KCNK9: variants seen among roughly 807,000 people sequenced by gnomAD.
KCNK9 encodes the protein potassium channel subfamily K member 9.
KCNK9 carries 1 observed loss-of-function variant against 10.8 expected under a neutral mutation model. That is an observed-to-expected ratio of 0.09 (90% confidence interval 0.03 to 0.44). KCNK9 has a LOEUF of 0.44. KCNK9 is among the 20% of genes least tolerant of loss of function. The pLI is 0.97. For synonymous variants in KCNK9, 231 were observed against 222.7 expected, an observed-to-expected ratio of 1.04 and a Z score of -0.33; for missense variants, 303 against 515.0, an observed-to-expected ratio of 0.59 and a Z score of 3.98.
chr8:139,604,522 G>A (rs931067461), intron 2 of KCNK9, among the ~76,000 whole-genome samples: 1 of 152,204 alleles, frequency 6.6e-6, no homozygotes, highest in African/African-American at 2.4e-5. Context: ...CACGCAGATA[G>A]GAGCAAAGCT....
At chr8:139,605,298 C>G (rs1192798422) in intron 2 of KCNK9, among the ~76,000 whole-genome samples, 1 of 152,234 alleles carries the variant, frequency 6.6e-6, no homozygotes. Context: ...GTTTGGTTTG[C>G]TTTGGTTTCA....
chr8:139,626,843 G>A (rs1025771265), intron 1 of KCNK9, among the ~76,000 whole-genome samples: 2 of 152,256 alleles, frequency 1.3e-5, no homozygotes, highest in Non-Finnish European at 2.9e-5. Flanking sequence ...GACTCAGGGT[G>A]GCTTGGAGGA....
At chr8:139,643,408 C>T (rs1220024671) in intron 1 of KCNK9, among the ~76,000 whole-genome samples, 5 of 152,236 alleles carry the variant, frequency 3.3e-5, no homozygotes, top group Non-Finnish European at 5.9e-5. Flanking sequence ...CCTCTCCCTT[C>T]AGGACTCAGC....
intron 2 of KCNK9, among the ~76,000 whole-genome samples, chr8:139,604,214 T>C (rs1405591817): frequency 2.6e-5 from 4 of 152,354 alleles, no homozygotes; most frequent in Middle Eastern, 6.8e-3. Context: ...TCTGCAGATA[T>C]GGCTCTAGGG....
chr8:139,605,599 T>A lies in KCNK9; in HGVS notation c.*1-3998A>T, dbSNP rs376105449. On this transcript the variant is annotated intron_variant, in intron 2 of 2. Transcript: ENST00000650269. ...GCATCAAAGCAGGTCTTGTCCAACC[T>A]TTCTCAGTGAAGAAAGACCAAGATA... Among the ~76,000 whole-genome samples, 11 of 152,192 alleles carry A rather than the reference T, an allele frequency of 7.2e-5. 2 individuals are homozygous for A. In the East Asian group the frequency reaches 7.7e-4, roughly 11 times the overall value.
chr8:139,684,416 T>C lies in KCNK9; in HGVS notation c.283+18294A>G, dbSNP rs534384309. Among the ~76,000 whole-genome samples, 160 of 152,356 alleles carry C rather than the reference T, an allele frequency of 1.1e-3. 1 individual carries two copies. Among genetic ancestry groups the C allele is most frequent in the African/African-American group, 3.8e-3 (159 of 41,590 alleles). Reference sequence around the variant, plus strand: ...TCAGTATACACCCATATTTTGTGACTAACTTTATACCTTATTTTTATGTCT... The same window carrying C: ...TCAGTATACACCCATATTTTGTGACCAACTTTATACCTTATTTTTATGTCT... On this transcript the variant is annotated intron_variant, in intron 1 of 1. Transcript: ENST00000520439.
intron 1 of KCNK9, among the ~76,000 whole-genome samples, chr8:139,695,461 A>G (rs1817026747): frequency 6.6e-6 from 1 of 152,236 alleles, no homozygotes; most frequent in Non-Finnish European, 1.5e-5. Context: ...GAGGGAGGCC[A>G]AGCTCCACTC....
chr8:139,696,612 G>A (rs1281487972), intron 1 of KCNK9, among the ~76,000 whole-genome samples: 2 of 152,134 alleles, frequency 1.3e-5, no homozygotes, highest in Non-Finnish European at 2.9e-5. Flanking sequence ...AGTGAGTTGA[G>A]GACCCACTGA....
At chr8:139,619,123 C>G (rs1278551721) in intron 1 of KCNK9, 24 bp from the exon 2 acceptor site, 3 of 1,612,854 alleles carry the variant, frequency 1.9e-6, no homozygotes, top group East Asian at 2.2e-5. Context: ...ATGAGAAGAA[C>G]AGAGAGAGCA....
intron 1 of KCNK9, among the ~76,000 whole-genome samples, chr8:139,630,981 C>G (rs917627023): frequency 6.6e-6 from 1 of 152,230 alleles, no homozygotes; most frequent in Non-Finnish European, 1.5e-5. Context: ...GAGCCTGTGC[C>G]TCAGGGGCTC....
chr8:139,641,541 C>G (rs1469473069), intron 1 of KCNK9, among the ~76,000 whole-genome samples: 5 of 152,190 alleles, frequency 3.3e-5, no homozygotes, highest in African/African-American at 9.7e-5. Context: ...ATGACCGGAG[C>G]CTGCTGTCAC....
intron 1 of KCNK9, among the ~76,000 whole-genome samples, chr8:139,695,270 AG>A (rs1481222054): frequency 6.6e-6 from 1 of 152,236 alleles, no homozygotes; most frequent in Non-Finnish European, 1.5e-5. Flanking sequence ...CATTAACAGA[AG>A]TATATTGTGT....
chr8:139,665,034 C>T (rs541246723), intron 1 of KCNK9, among the ~76,000 whole-genome samples: 7 of 152,324 alleles, frequency 4.6e-5, no homozygotes, highest in African/African-American at 1.7e-4. Context: ...CAGGCCCAGG[C>T]GGCCACACAG....
chr8:139,608,705 A>C (rs116327399), downstream of KCNK9, among the ~76,000 whole-genome samples: 3,103 of 152,214 alleles, frequency 0.02, 102 homozygotes, highest in African/African-American at 0.07. Context: ...TACCCAGCTC[A>C]GGTCCACCAG....
At chr8:139,681,071 C>T (rs1345148695) in intron 1 of KCNK9, among the ~76,000 whole-genome samples, 1 of 152,196 alleles carries the variant, frequency 6.6e-6, no homozygotes, top group Admixed American at 6.5e-5. Context: ...TGGCACAGAA[C>T]AGGCAGATGA....
rs886830977 is a variant in KCNK9 at position 139,650,567 on chromosome 8, C to T, written c.284-31468G>A. Among the ~76,000 whole-genome samples, 76 of 152,060 alleles carry T rather than the reference C, an allele frequency of 5.0e-4. 1 individual carries two copies. Among genetic ancestry groups the T allele is most frequent in the Admixed American group, 2.9e-3 (44 of 15,282 alleles). On this transcript the variant is annotated intron_variant, in intron 1 of 1. Transcript: ENST00000520439. ...CTCCCTTACCTGAGGAAGTAGACCC[C>T]AAGGATGGGGAAGGAAGGTGCACAC...
intron 1 of KCNK9, among the ~76,000 whole-genome samples, chr8:139,674,909 C>T (rs982279145): frequency 1.3e-5 from 2 of 152,110 alleles, no homozygotes; most frequent in African/African-American, 2.4e-5. Context: ...TCTTCCTCCC[C>T]CCGAAGCCTT....
At chr8:139,637,751 T>C (rs1041314624) in intron 1 of KCNK9, among the ~76,000 whole-genome samples, 66 of 70,524 alleles carry the variant, frequency 9.4e-4, no homozygotes, top group African/African-American at 3.9e-3. Context: ...ATCTTAAGTA[T>C]TCCTACTCTA....
chr8:139,619,843 G>A (rs550349135), intron 1 of KCNK9, among the ~76,000 whole-genome samples: 18 of 152,284 alleles, frequency 1.2e-4, no homozygotes, highest in African/African-American at 2.6e-4. Flanking sequence ...TGTTTTGTTC[G>A]CTGCTGTATT....
Sources: allele counts gnomAD v4.1 joint callset (sites outside exome capture counted in the v4.1 genomes callset), GRCh38; gene constraint gnomAD v4.1.1; transcripts MANE v1.5; gene names NCBI Gene and HGNC (gene_info 2026-07-23, HGNC 2026-07-21).